ALS2: variants seen among roughly 807,000 people sequenced by gnomAD.
The protein encoded by ALS2 is alsin Rho guanine nucleotide exchange factor ALS2.
ALS2 carries 117 observed loss-of-function variants against 203.4 expected under a neutral mutation model. The ratio of observed to expected loss-of-function variants is 0.58; its 90% CI spans 0.50 to 0.67. The LOEUF (loss-of-function observed/expected upper bound fraction) is 0.67, where lower values mean the gene tolerates loss of function less well. ALS2 is among the 30% of genes least tolerant of loss of function. The pLI is 0.00. For missense variants in ALS2, 1,715 were observed against 1,989.4 expected (o/e 0.86, Z 2.62); for synonymous variants, 718 against 725.9 (o/e 0.99, Z 0.17).
intron 1 of ALS2, among the ~76,000 whole-genome samples, chr2:201,778,798 T>C (rs1694769714): frequency 6.6e-6 from 1 of 152,138 alleles, no homozygotes; most frequent in Admixed American, 6.5e-5. Context: ...CTAAATGATT[T>C]AAAAGTCACA....
At chr2:201,778,044 G>C (rs1694735249) in intron 1 of ALS2, among the ~76,000 whole-genome samples, 1 of 151,926 alleles carries the variant, frequency 6.6e-6, no homozygotes, top group African/African-American at 2.4e-5. Context: ...ATTGCCCCAA[G>C]TTTAGTTAAG....
In ALS2 at chr2:201,700,390, C is replaced by T. The variant is rs550206602; in HGVS notation, c.*1461G>A. Among the ~76,000 whole-genome samples the T allele has an allele frequency of 2.4e-4, 36 of 152,218 alleles. No homozygotes were observed. The East Asian group carries it at 2.7e-3, about 11-fold the overall frequency. On this transcript the variant is annotated 3_prime_UTR_variant, in exon 34 of 34. Transcript: ENST00000264276. ...AAAGGGTGCTATAACTATTGGTTTA[C>T]GTTTATTTTAAAGACAGAGATTTCT...
At chr2:201,709,764 T>C (rs1206448310) in intron 27 of ALS2, 117 bp downstream of exon 27, 11 of 1,229,706 alleles carry the variant, frequency 8.9e-6, no homozygotes, top group Non-Finnish European at 1.3e-5. Context: ...TTTTACTTAA[T>C]CTATTAAAGG....
intron 5 of ALS2, among the ~76,000 whole-genome samples, chr2:201,755,959 G>C (rs1252107867): frequency 1.3e-5 from 2 of 152,142 alleles, no homozygotes; most frequent in Non-Finnish European, 2.9e-5. Context: ...ATCTTTTCTG[G>C]TGAATGTATC....
chr2:201,745,720 G>A (rs559224472), intron 9 of ALS2, among the ~76,000 whole-genome samples: 35 of 152,250 alleles, frequency 2.3e-4, no homozygotes, highest in African/African-American at 7.7e-4. Flanking sequence ...AGGCTGAGGC[G>A]GGCAGATCAC....
chr2:201,769,679 T>C (rs1694283863), intron 1 of ALS2, among the ~76,000 whole-genome samples: 1 of 152,190 alleles, frequency 6.6e-6, no homozygotes, highest in African/African-American at 2.4e-5. Context: ...TAAACAGAAA[T>C]GCTGAGTGCA....
intron 5 of ALS2, 39 bp from the exon 6 acceptor site, chr2:201,754,710 C>A: frequency 9.9e-6 from 16 of 1,608,460 alleles, no homozygotes; most frequent in Non-Finnish European, 1.4e-5. Context: ...GAGTGGGAGT[C>A]CAGAGGGTAA....
intron 1 of ALS2, among the ~76,000 whole-genome samples, chr2:201,778,901 T>C (rs950731351): frequency 9.8e-5 from 15 of 152,304 alleles, no homozygotes; most frequent in African/African-American, 3.6e-4. Context: ...CCACTCTGCC[T>C]TTCTTCCTAG....
chr2:201,762,590 A>C (rs1693826714), intron 3 of ALS2: 1 of 152,266 alleles, frequency 6.6e-6, no homozygotes, highest in African/African-American at 2.4e-5. Flanking sequence ...CAGCACTCAG[A>C]AAGTTCTGGA....
In ALS2 at chr2:201,710,007, C is replaced by G; in HGVS notation, c.4154G>C (p.Arg1385Thr). The change falls in exon 27 of 34, where the codon AGG becomes ACG. Residue 1385 changes from arginine to threonine, a missense_variant. By Grantham distance (71) the Arg-to-Thr change is moderately conservative (BLOSUM62 -1). Coordinates refer to ENST00000264276, the MANE Select transcript of ALS2 (RefSeq NM_020919.4). Reference sequence around the variant, plus strand: ...CACTGCAACCAGTGTCTCCACAAGCCTGCCCAGGGGGTGCAGAGGAGTGTC... The same window carrying G: ...CACTGCAACCAGTGTCTCCACAAGCGTGCCCAGGGGGTGCAGAGGAGTGTC... The part of the protein sequence containing the change: ...ACDTPLHPLG[R>T]LVETLVAVYR... 2 of 1,613,958 alleles carry G rather than the reference C, an allele frequency of 1.2e-6. No homozygotes were observed. Among genetic ancestry groups the G allele is most frequent in the Non-Finnish European group, 1.7e-6 (2 of 1,179,852 alleles).
At position 201,727,743 on chromosome 2, in the gene ALS2, C is replaced by A. The variant is rs907072533; in HGVS notation, c.2874G>T (p.Thr958=). The part of the protein sequence containing the change: ...FSTHHVFPLA[T]LWAEPLSEEA... ...CTTCAGACAGTGGCTCTGCCCACAGCGTGGCCAGAGGGAAAACATGGTGCG... is the reference window on the plus strand; with the variant it reads ...CTTCAGACAGTGGCTCTGCCCACAGAGTGGCCAGAGGGAAAACATGGTGCG... The change falls in exon 16 of 34, where the codon ACG becomes ACT. Residue 958 remains threonine, a synonymous_variant. Coordinates refer to ENST00000264276, the MANE Select transcript of ALS2 (RefSeq NM_020919.4). 2 of 1,551,646 alleles carry A rather than the reference C, an allele frequency of 1.3e-6. No homozygotes were observed. The highest frequency in any genetic ancestry group is 3.9e-5 in the Admixed American group (2 of 51,012).
chr2:201,724,203 G>T, intron 21 of ALS2, 92 bp downstream of exon 21: 1 of 1,391,340 alleles, frequency 7.2e-7, no homozygotes. Context: ...TAATCTCCAT[G>T]AAAAAGACAA....
At chr2:201,721,393 T>C (rs187431085) in intron 23 of ALS2, among the ~76,000 whole-genome samples, 2 of 152,342 alleles carry the variant, frequency 1.3e-5, no homozygotes, top group Admixed American at 1.3e-4. Flanking sequence ...AGGACTTATA[T>C]TCCTGATTTC....
At chr2:201,738,554 G>T in intron 12 of ALS2, 116 bp downstream of exon 12, 3 of 976,614 alleles carry the variant, frequency 3.1e-6, no homozygotes, top group South Asian at 1.4e-5. Flanking sequence ...TTTATATTTT[G>T]ACTTGTTTGG....
At chr2:201,741,443 T>C (rs1692261614) in intron 11 of ALS2, 1 of 490,534 alleles carries the variant, frequency 2.0e-6, no homozygotes, top group Non-Finnish European at 3.7e-6. Context: ...ATCACTCTGC[T>C]AGAATATAGA....
rs1361081001 is a variant in ALS2, at chr2:201,715,672, C to G, written c.4004G>C (p.Ser1335Thr). 2 of 1,614,194 alleles carry G rather than the reference C, an allele frequency of 1.2e-6. No homozygotes were observed. The highest frequency in any genetic ancestry group is 1.7e-6 in the Non-Finnish European group (2 of 1,180,028). Reference protein sequence around the residue: ...LTTSRRQHRDSPEILSRSQTQ... With the variant: ...LTTSRRQHRDTPEILSRSQTQ... ...GTATGTTGAGCAGGTGTTCACTCACCTGTCTCTGTGCTGGCGCCGACTGGT... is the reference window on the plus strand; with the variant it reads ...GTATGTTGAGCAGGTGTTCACTCACGTGTCTCTGTGCTGGCGCCGACTGGT... The change falls in exon 25 of 34, where the codon AGT becomes ACT. Residue 1335 changes from serine (S) to threonine (T), a missense_variant and splice_region_variant. By Grantham distance (58) the Ser-to-Thr change is moderately conservative. This residue lies in a region of ALS2 where 1,227 missense variants were observed against 1,413.5 expected (regional missense o/e 0.87). Transcript: ENST00000264276.
rs761731006 is a variant in ALS2, at chr2:201,761,210, T to C, written c.784A>G (p.Thr262Ala). ...TTTTCTGCCTGAGATTCTGTCAGTG[T>C]CACACCTAATGGGCAACAATGACTG... ...SDSHCCPLGV[T>A]LTESQAENHA... The change falls in exon 4 of 34, where the codon ACA becomes GCA. Residue 262 changes from threonine to alanine, a missense_variant. This residue lies in a region of ALS2 where 476 missense variants were observed against 539.3 expected (regional missense o/e 0.88). Transcript: ENST00000264276. The C allele has an allele frequency of 1.9e-6, 3 of 1,614,208 alleles. No homozygotes were observed. In the East Asian group the frequency reaches 6.7e-5, roughly 36 times the overall value.
At chr2:201,727,990 C>T (rs554684999) in intron 15 of ALS2, among the ~76,000 whole-genome samples, 1 of 152,260 alleles carries the variant, frequency 6.6e-6, no homozygotes, top group Admixed American at 6.5e-5. Context: ...TGCTGCAGGG[C>T]CCTCTTCACA....
chr2:201,768,991 C>G lies in ALS2; in HGVS notation c.-60-46G>C. On this transcript the variant is annotated intron_variant, in intron 1 of 33. Coordinates refer to ENST00000264276, the MANE Select transcript of ALS2 (RefSeq NM_020919.4). The stretch of plus-strand genomic sequence containing the variant: ...AAAGAGCAGTAAAAGAATATTTTAC[C>G]CCTCAGACATTAAAAAAAAAAAAAG... The G allele has an allele frequency of 3.0e-6, 3 of 1,004,822 alleles. No individual in the cohort carries two copies. The South Asian group carries it at 4.8e-5, about 16-fold the overall frequency. 62.2% of individuals were successfully genotyped at this position (1,004,822 alleles called of 1,614,324 possible). A position where few individuals can be genotyped will look rare whatever the true frequency, so the allele number is the denominator to read the frequency against.
Sources: allele counts gnomAD v4.1 joint callset (sites outside exome capture counted in the v4.1 genomes callset), GRCh38; gene constraint gnomAD v4.1.1; regional missense constraint gnomAD v4.1.1; transcripts MANE v1.5; gene names NCBI Gene and HGNC (gene_info 2026-07-23, HGNC 2026-07-21).